NCAM2: variants seen among roughly 807,000 people sequenced by gnomAD.
NCAM2 encodes neural cell adhesion molecule 2, also known as N-CAM-2.
A neutral mutation model predicts 98.1 loss-of-function variants in NCAM2; 30 were observed. The observed-to-expected ratio is 0.31, with a 90% CI of 0.23 to 0.41. The LOEUF is 0.41. NCAM2 is among the 10% of genes least tolerant of loss of function. NCAM2 has a pLI of 1.00. For missense variants in NCAM2, 867 were observed against 1,005.8 expected (o/e 0.86, Z 1.87); for synonymous variants, 368 against 342.4 (o/e 1.07, Z -0.83).
At chr21:21,324,016 A>G (rs1189673758) in intron 5 of NCAM2, among the ~76,000 whole-genome samples, 1 of 152,176 alleles carries the variant, frequency 6.6e-6, no homozygotes, top group Non-Finnish European at 1.5e-5. Flanking sequence ...ATAATTCCTA[A>G]AAGTATATAT....
rs184242944 is a variant in NCAM2 at position 21,500,064 on chromosome 21, T to C, written c.2078-8787T>C. Among the ~76,000 whole-genome samples, 20 of 152,298 alleles carry C rather than the reference T, an allele frequency of 1.3e-4. No individual in the cohort carries two copies. The East Asian group carries it at 3.9e-3, about 29-fold the overall frequency. On this transcript the variant is annotated intron_variant, in intron 15 of 17. Coordinates refer to ENST00000400546, the MANE Select transcript of NCAM2 (RefSeq NM_004540.5). ...AAACACCCATCTTGGAAGTGGATAC[T>C]CAGCTCTTCTCTAGATATATACAGG... is the stretch of plus-strand genomic sequence containing the variant.
rs193035776 is a variant in NCAM2 at position 21,460,391 on chromosome 21, G to C, written c.1655-6215G>C. On this transcript the variant is annotated intron_variant, in intron 12 of 17. Transcript: ENST00000400546. ...CCTCCCTTTACTGGTGTAGGAAATG[G>C]AGAATGTAACCAAACTCTGTTAGTT... Among the ~76,000 whole-genome samples, 328 of 152,010 alleles carry C rather than the reference G, an allele frequency of 2.2e-3. 3 individuals are homozygous for C. The highest frequency in any genetic ancestry group is 3.9e-4 in the East Asian group (2 of 5,180).
At chr21:21,023,172 A>T (rs1253311842) in intron 1 of NCAM2, among the ~76,000 whole-genome samples, 2 of 152,178 alleles carry the variant, frequency 1.3e-5, no homozygotes, top group Non-Finnish European at 2.9e-5. Flanking sequence ...AGAAAGGAAT[A>T]AGATGGGATA....
intron 1 of NCAM2, among the ~76,000 whole-genome samples, chr21:21,266,620 G>A (rs1176340393): frequency 6.6e-6 from 1 of 151,302 alleles, no homozygotes; most frequent in Non-Finnish European, 1.5e-5. Context: ...CTATCACAGG[G>A]ACAAAAAAAC....
At chr21:21,310,585 G>A (rs2074015149) in intron 5 of NCAM2, among the ~76,000 whole-genome samples, 1 of 152,298 alleles carries the variant, frequency 6.6e-6, no homozygotes, top group South Asian at 2.1e-4. Flanking sequence ...GGCTGTTTCA[G>A]AGTATCAGCT....
At chr21:21,256,396 T>G (rs1036022035) in intron 1 of NCAM2, among the ~76,000 whole-genome samples, 1 of 152,140 alleles carries the variant, frequency 6.6e-6, no homozygotes, top group Admixed American at 6.6e-5. Context: ...TATTTCTAAT[T>G]ACTAGCCTAG....
At chr21:21,001,422 G>A (rs1440117854) in intron 1 of NCAM2, among the ~76,000 whole-genome samples, 2 of 152,256 alleles carry the variant, frequency 1.3e-5, no homozygotes, top group East Asian at 3.9e-4. Flanking sequence ...GAAAGAAAAT[G>A]CTGTAATTCT....
At position 21,292,213 on chromosome 21, in the gene NCAM2, C is replaced by T; in HGVS notation, c.591C>T (p.Asp197=). ...GAGTGGAGGCCAGGGGAGAAATTGA[C>T]TTCCGTGATATCATTGTTATTGTTA... ...EGRVEARGEI[D]FRDIIVIVNV... is the part of the protein sequence containing the mutation. Residue 197 remains aspartate, a synonymous_variant, in exon 5 of 18, where the codon GAC becomes GAT. Coordinates refer to ENST00000400546, the MANE Select transcript of NCAM2 (RefSeq NM_004540.5). The T allele has an allele frequency of 2.5e-6, 4 of 1,609,840 alleles. No individual in the cohort carries two copies. The highest frequency in any genetic ancestry group is 3.4e-6 in the Non-Finnish European group (4 of 1,177,682).
chr21:21,065,456 A>C (rs1251233866), intron 1 of NCAM2, among the ~76,000 whole-genome samples: 2 of 152,330 alleles, frequency 1.3e-5, no homozygotes, highest in Non-Finnish European at 2.9e-5. Context: ...AATACTTTAC[A>C]TAACCCACAG....
chr21:21,292,044 G>C, intron 4 of NCAM2, 60 bp from the exon 5 acceptor site: 1 of 1,502,134 alleles, frequency 6.7e-7, no homozygotes, highest in Non-Finnish European at 9.0e-7. Flanking sequence ...ACAATTTAGA[G>C]CACTCTGGAC....
intron 1 of NCAM2, among the ~76,000 whole-genome samples, chr21:21,017,445 A>AAAAAG (rs2064334711): frequency 3.3e-5 from 5 of 150,616 alleles, no homozygotes; most frequent in Non-Finnish European, 5.9e-5. Context: ...AAAAAAAAAA[A>AAAAAG]AAAGAAATAG....
intron 1 of NCAM2, among the ~76,000 whole-genome samples, chr21:21,185,908 G>A (rs2068626581): frequency 6.6e-6 from 1 of 152,108 alleles, no homozygotes; most frequent in African/African-American, 2.4e-5. Flanking sequence ...CAATAAAAAT[G>A]CAGCCCGAAC....
chr21:21,526,038 A>G (rs1989303193), intron 16 of NCAM2, among the ~76,000 whole-genome samples: 1 of 152,020 alleles, frequency 6.6e-6, no homozygotes, highest in South Asian at 2.1e-4. Flanking sequence ...AACTTACATC[A>G]TTTTTTACAT....
intron 1 of NCAM2, among the ~76,000 whole-genome samples, chr21:21,060,794 A>G (rs550764170): frequency 7.9e-5 from 12 of 152,262 alleles, no homozygotes; most frequent in Admixed American, 7.2e-4. Flanking sequence ...AGCTTAGAGC[A>G]GGTACAGTGG....
At position 21,265,459 on chromosome 21, in the gene NCAM2, A is replaced by T. The variant is rs983683895; in HGVS notation, c.56-15119A>T. ...TATATTATATATACACACATATATA[A>T]TATATGTGTGTATATATATTATATA... On this transcript the variant is annotated intron_variant, in intron 1 of 17. Coordinates refer to ENST00000400546, the MANE Select transcript of NCAM2 (RefSeq NM_004540.5). Among the ~76,000 whole-genome samples, 77 of 141,706 alleles carry T rather than the reference A, an allele frequency of 5.4e-4. 8 individuals are homozygous for T. Among genetic ancestry groups the T allele is most frequent in the Non-Finnish European group, 8.7e-4 (57 of 65,442 alleles). 93.0% of individuals were successfully genotyped at this position (141,706 alleles called of 152,430 possible).
chr21:21,508,840 T>TTTTTTTTTA lies in NCAM2; in HGVS notation c.2078-11_2078-10insTTTTTTTTA, dbSNP rs1555909861. 1 of 907,126 alleles carries TTTTTTTTTA rather than the reference T, an allele frequency of 1.1e-6. No individual in the cohort carries two copies. Among genetic ancestry groups the TTTTTTTTTA allele is most frequent in the African/African-American group, 2.4e-5 (1 of 42,414 alleles). The allele number at this position is 907,126 out of a possible 1,614,324, so 56.2% of individuals were successfully genotyped here. A position where few individuals can be genotyped will look rare whatever the true frequency, so the allele number is the denominator to read the frequency against. ...TTTTTTTTTTTTTTTTTTTTTTTTTTACTTTTTAAGACACGCTGTTTAATG... is the reference window on the plus strand; with the variant it reads ...TTTTTTTTTTTTTTTTTTTTTTTTTTTTTTTTTTAACTTTTTAAGACACGCTGTTTAATG... On this transcript the variant is annotated splice_polypyrimidine_tract_variant and intron_variant, in intron 15 of 17. Transcript: ENST00000400546.
chr21:21,385,789 T>C (rs1285220136), intron 9 of NCAM2: 1 of 352,672 alleles, frequency 2.8e-6, no homozygotes, highest in Non-Finnish European at 4.0e-6. Flanking sequence ...TAGAATATCA[T>C]TAAGTTTTGT....
chr21:21,287,432 A>G (rs1052896758), intron 4 of NCAM2, among the ~76,000 whole-genome samples: 3 of 152,014 alleles, frequency 2.0e-5, no homozygotes, highest in Admixed American at 6.6e-5. Context: ...ATGAGAAATA[A>G]CACTTTATTT....
At chr21:21,006,851 A>G (rs1317446139) in intron 1 of NCAM2, among the ~76,000 whole-genome samples, 1 of 152,200 alleles carries the variant, frequency 6.6e-6, no homozygotes, top group Non-Finnish European at 1.5e-5. Flanking sequence ...TGTGGATCAT[A>G]GTTTGCATTT....
Sources: allele counts gnomAD v4.1 joint callset (sites outside exome capture counted in the v4.1 genomes callset), GRCh38; gene constraint gnomAD v4.1.1; transcripts MANE v1.5; gene names NCBI Gene and HGNC (gene_info 2026-07-23, HGNC 2026-07-21).